KHDRBS2: variants seen among roughly 807,000 people sequenced by gnomAD.
KHDRBS2 encodes KH domain-containing, RNA-binding, signal transduction-associated protein 2.
KHDRBS2 carries 26 observed loss-of-function variants against 44.3 expected under a neutral mutation model. The observed-to-expected ratio is 0.59, with a 90% CI of 0.43 to 0.81. The LOEUF (loss-of-function observed/expected upper bound fraction) is 0.81. Among genes scored for constraint, KHDRBS2 ranks in the 40% least tolerant of loss-of-function variants. KHDRBS2 has a pLI of 0.00. For synonymous variants in KHDRBS2, 194 were observed against 151.1 expected (o/e 1.28, Z -2.08); for missense variants, 476 against 433.1 (o/e 1.10, Z -0.88).
At chr6:62,157,884 T>G (rs1328506846) in intron 2 of KHDRBS2, among the ~76,000 whole-genome samples, 2 of 152,198 alleles carry the variant, frequency 1.3e-5, no homozygotes, top group African/African-American at 2.4e-5. Context: ...CCCCCTTTTC[T>G]TCAATCTTGA....
chr6:61,863,382 G>C (rs543536628), intron 6 of KHDRBS2, among the ~76,000 whole-genome samples: 129 of 151,530 alleles, frequency 8.5e-4, no homozygotes, highest in Non-Finnish European at 1.6e-3. Context: ...TGTGATGTTA[G>C]ATTATTAACT....
intron 1 of KHDRBS2, among the ~76,000 whole-genome samples, chr6:62,231,662 C>T (rs1001474061): frequency 2.0e-5 from 3 of 152,148 alleles, no homozygotes; most frequent in Non-Finnish European, 2.9e-5. Flanking sequence ...TTATGCATAT[C>T]AGGTGCAGCT....
intron 6 of KHDRBS2, among the ~76,000 whole-genome samples, chr6:61,837,948 A>G (rs767166049): frequency 1.3e-5 from 2 of 152,038 alleles, no homozygotes; most frequent in Non-Finnish European, 2.9e-5. Context: ...AATTATCTTG[A>G]ATCTTAGCAG....
intron 2 of KHDRBS2, among the ~76,000 whole-genome samples, chr6:62,171,926 G>T (rs1394439139): frequency 7.2e-5 from 11 of 151,824 alleles, no homozygotes; most frequent in Admixed American, 7.2e-4. Context: ...GACCTTAATA[G>T]AATACTAAAT....
At chr6:61,675,195 G>A (rs1765858624), downstream of KHDRBS2, among the ~76,000 whole-genome samples, 1 of 151,610 alleles carries the variant, frequency 6.6e-6, no homozygotes, top group Non-Finnish European at 1.5e-5. Context: ...TTTTAAAAAA[G>A]CATTGTAGCT....
intron 2 of KHDRBS2, among the ~76,000 whole-genome samples, chr6:62,100,332 T>A (rs1359721312): frequency 6.6e-6 from 1 of 152,246 alleles, no homozygotes; most frequent in Non-Finnish European, 1.5e-5. Context: ...CTATTCCTGA[T>A]GAAGATTCTG....
At chr6:61,598,894 T>G in the KHDRBS2 span, among the ~76,000 whole-genome samples, 1 of 145,192 alleles carries the variant, frequency 6.9e-6, no homozygotes, top group African/African-American at 2.5e-5. Context: ...AGTTGAGCAT[T>G]GAGTGTACAA....
intron 1 of KHDRBS2, among the ~76,000 whole-genome samples, chr6:62,187,069 T>A (rs1823591633): frequency 6.6e-6 from 1 of 152,150 alleles, no homozygotes; most frequent in African/African-American, 2.4e-5. Flanking sequence ...CCACTTTGTG[T>A]GTCAGAGTTC....
At chr6:61,613,932 G>T in the KHDRBS2 span, among the ~76,000 whole-genome samples, 1 of 152,072 alleles carries the variant, frequency 6.6e-6, no homozygotes, top group South Asian at 2.1e-4. Flanking sequence ...AGATTAACTG[G>T]CCTACTGCAT....
At chr6:62,261,797 ACT>A (rs1268596988) in intron 1 of KHDRBS2, among the ~76,000 whole-genome samples, 32 of 151,914 alleles carry the variant, frequency 2.1e-4, no homozygotes, top group Non-Finnish European at 4.6e-4. Flanking sequence ...GCTCATGATC[ACT>A]GTCTTGTATT....
At chr6:61,996,528 A>G (rs1359300064) in intron 3 of KHDRBS2, among the ~76,000 whole-genome samples, 1 of 152,018 alleles carries the variant, frequency 6.6e-6, no homozygotes, top group East Asian at 1.9e-4. Flanking sequence ...TTGGGTATTC[A>G]CTTTGCATTT....
rs1313741880 is a variant in KHDRBS2, at chr6:62,063,682, G to T, written c.220-15688C>A. On this transcript the variant is annotated intron_variant, in intron 2 of 8. Coordinates refer to ENST00000281156, the MANE Select transcript of KHDRBS2 (RefSeq NM_152688.4). ...ACCCACAGCCAATATCATACTGAATGGGCAAAAACTGGAAGCATTCCCTTT... is the reference window on the plus strand; with the variant it reads ...ACCCACAGCCAATATCATACTGAATTGGCAAAAACTGGAAGCATTCCCTTT... Among the ~76,000 whole-genome samples the T allele has an allele frequency of 9.2e-5, 13 of 141,788 alleles. 1 individual carries two copies. Among genetic ancestry groups the T allele is most frequent in the African/African-American group, 3.4e-4 (13 of 38,058 alleles). The allele number at this position is 141,788 out of a possible 152,430, so 93.0% of individuals were successfully genotyped here. A position where few individuals can be genotyped will look rare whatever the true frequency, so the allele number is the denominator to read the frequency against.
intron 6 of KHDRBS2, among the ~76,000 whole-genome samples, chr6:61,853,453 T>TA (rs940593685): frequency 2.0e-4 from 30 of 151,950 alleles, no homozygotes; most frequent in Non-Finnish European, 3.7e-4. Flanking sequence ...AACCTAGGCA[T>TA]AAAAAAAAGA....
At chr6:61,696,578 G>A (rs1336412951) in intron 8 of KHDRBS2, among the ~76,000 whole-genome samples, 8 of 151,812 alleles carry the variant, frequency 5.3e-5, no homozygotes, top group East Asian at 1.9e-4. Flanking sequence ...TTAAAGAATC[G>A]CAAACTATGT....
At chr6:62,163,322 A>T (rs1282164284) in intron 2 of KHDRBS2, among the ~76,000 whole-genome samples, 1 of 152,072 alleles carries the variant, frequency 6.6e-6, no homozygotes, top group Non-Finnish European at 1.5e-5. Context: ...AGGAATAAGG[A>T]TCATATTTCA....
the KHDRBS2 span, among the ~76,000 whole-genome samples, chr6:61,595,509 A>T: frequency 6.6e-6 from 1 of 152,104 alleles, no homozygotes; most frequent in Non-Finnish European, 1.5e-5. Flanking sequence ...ATGCATTTAT[A>T]ACTTTCCTCA....
At chr6:61,781,390 C>T (rs1782902732) in intron 6 of KHDRBS2, among the ~76,000 whole-genome samples, 1 of 152,064 alleles carries the variant, frequency 6.6e-6, no homozygotes, top group Admixed American at 6.6e-5. Context: ...CTTAAAAACC[C>T]AGGCTAACCC....
chr6:62,081,922 A>ACC (rs1797479497), intron 2 of KHDRBS2, among the ~76,000 whole-genome samples: 1 of 152,088 alleles, frequency 6.6e-6, no homozygotes, highest in African/African-American at 2.4e-5. Context: ...GTCAGATTTA[A>ACC]GTATTTAGTA....
At chr6:62,124,153 G>A (rs971421523) in intron 2 of KHDRBS2, among the ~76,000 whole-genome samples, 8 of 152,152 alleles carry the variant, frequency 5.3e-5, no homozygotes, top group African/African-American at 1.9e-4. Context: ...CCAGGGATCT[G>A]AGCATAGCTT....
Sources: gnomAD v4.1 joint callset for allele counts (sites outside exome capture counted in the v4.1 genomes callset) on GRCh38, gnomAD v4.1.1 for gene constraint, MANE v1.5 for transcripts, NCBI Gene and HGNC (gene_info 2026-07-23, HGNC 2026-07-21) for gene names.